The following HIRA variants were observed in gnomAD, a reference collection of about 807,000 sequenced individuals.
HIRA encodes histone cell cycle regulator.
HIRA carries 13 observed loss-of-function variants against 126.6 expected under a neutral mutation model. That is an observed-to-expected ratio of 0.10 (90% CI 0.07 to 0.16). HIRA has a LOEUF of 0.16. Among genes scored for constraint, HIRA ranks in the 10% least tolerant of loss-of-function variants. The pLI is 1.00. For synonymous variants in HIRA, 511 were observed against 520.0 expected (o/e 0.98, Z 0.24); for missense variants, 834 against 1,314.4 (o/e 0.63, Z 5.65).
chr22:19,375,824 C>A (rs770135377), intron 14 of HIRA, 32 bp from the exon 15 acceptor site: 2 of 1,610,900 alleles, frequency 1.2e-6, no homozygotes, highest in South Asian at 2.2e-5. Flanking sequence ...GCATGTCAAG[C>A]GCAATCCTGA....
intron 2 of HIRA, among the ~76,000 whole-genome samples, chr22:19,410,268 C>G (rs2089341839): frequency 2.0e-5 from 3 of 152,220 alleles, no homozygotes; most frequent in African/African-American, 7.2e-5. Context: ...TGTGCTTTCT[C>G]TTTAACCTAA....
chr22:19,357,115 TG>T (rs1344154809), intron 18 of HIRA, 64 bp from the exon 19 acceptor site: 1 of 1,572,898 alleles, frequency 6.4e-7, no homozygotes, highest in East Asian at 2.2e-5. Flanking sequence ...ACAGTAGCCC[TG>T]GAAGTGTGGG....
intron 18 of HIRA, among the ~76,000 whole-genome samples, chr22:19,359,031 T>C (rs781931116): frequency 9.9e-5 from 15 of 152,128 alleles, no homozygotes; most frequent in Non-Finnish European, 1.8e-4. Flanking sequence ...CAGTGTGGAA[T>C]TCGAGACTTT....
chr22:19,420,408 G>T (rs1359071130), intron 1 of HIRA, among the ~76,000 whole-genome samples: 1 of 143,312 alleles, frequency 7.0e-6, no homozygotes, highest in Admixed American at 7.1e-5. Context: ...CGAGGCTGCA[G>T]TGAGCCGTGA....
intron 1 of HIRA, among the ~76,000 whole-genome samples, chr22:19,416,647 G>A (rs1168677819): frequency 6.6e-6 from 1 of 151,710 alleles, no homozygotes; most frequent in Non-Finnish European, 1.5e-5. Flanking sequence ...CCATGAATTT[G>A]GCAATAATTT....
At chr22:19,341,448 CA>C (rs55996019) in intron 24 of HIRA, among the ~76,000 whole-genome samples, 2,578 of 107,782 alleles carry the variant, frequency 0.024, 45 homozygotes, top group African/African-American at 0.085. Flanking sequence ...GACCCTGTTT[CA>C]AAAAAAAAAA....
intron 15 of HIRA, among the ~76,000 whole-genome samples, chr22:19,371,210 C>T (rs558434858): frequency 2.0e-4 from 30 of 152,270 alleles, no homozygotes; most frequent in Non-Finnish European, 3.7e-4. Flanking sequence ...CCTCTTAACT[C>T]CCTCTTGACA....
In HIRA at chr22:19,375,665, C is replaced by A; in HGVS notation, c.1741G>T (p.Ala581Ser). 6.2e-7 allele frequency: 1 copy of A among 1,614,226 alleles called. No individual in the cohort carries two copies. The highest frequency in any genetic ancestry group is 8.5e-7 in the Non-Finnish European group (1 of 1,180,038). Residue 581 changes from alanine to serine, a missense_variant, in exon 15 of 25, where the codon GCC (alanine) becomes TCC (serine). Physicochemically the swap from Ala to Ser is moderately conservative, Grantham distance 99 (BLOSUM62 1). Coordinates refer to ENST00000263208, the MANE Select transcript of HIRA (RefSeq NM_003325.4). ...GCTGTCGGAGTCATGCTGGTCAGGGCAGGAGCACCTGGTGTGGCTTTGGAC... is the reference window on the plus strand; with the variant it reads ...GCTGTCGGAGTCATGCTGGTCAGGGAAGGAGCACCTGGTGTGGCTTTGGAC... Reference protein sequence around the residue: ...ERSKATPGAPALTSMTPTAVE... With the variant: ...ERSKATPGAPSLTSMTPTAVE...
In HIRA at chr22:19,350,573, C is replaced by T. The variant is rs527332523; in HGVS notation, c.2937+785G>A. 4.6e-5 allele frequency among the ~76,000 whole-genome samples: 7 copies of T among 152,296 alleles called. No individual in the cohort carries two copies. The East Asian group carries it at 1.2e-3, about 25-fold the overall frequency. ...ACATCTTGAATCTGTCTCCTTTCCC[C>T]TCTCCATGGCCACCACACTGATCCA... On this transcript the variant is annotated intron_variant, in intron 24 of 24. Coordinates refer to ENST00000263208, the MANE Select transcript of HIRA (RefSeq NM_003325.4).
chr22:19,431,558 T>A lies in HIRA; in HGVS notation c.-82A>T. The A allele has an allele frequency of 1.8e-6, 2 of 1,099,140 alleles. No individual in the cohort carries two copies. Among genetic ancestry groups the A allele is most frequent in the Non-Finnish European group, 2.2e-6 (2 of 897,608 alleles). The allele number at this position is 1,099,140 out of a possible 1,614,324, so 68.1% of individuals were successfully genotyped here. A position where few individuals can be genotyped will look rare whatever the true frequency, so the allele number is the denominator to read the frequency against. On this transcript the variant is annotated 5_prime_UTR_variant, in exon 1 of 25. Transcript: ENST00000263208. ...GGGCCATGGAGCCACCGCCGCCGCTTCCTCCCGCGCCACCCGCCCTCCGGC... is the reference window on the plus strand; with the variant it reads ...GGGCCATGGAGCCACCGCCGCCGCTACCTCCCGCGCCACCCGCCCTCCGGC...
intron 11 of HIRA, 82 bp from the exon 12 acceptor site, chr22:19,385,818 A>C: frequency 7.4e-7 from 1 of 1,342,626 alleles, no homozygotes; most frequent in South Asian, 1.3e-5. Flanking sequence ...AAACTACAGC[A>C]GGGCTCTCCT....
rs541588459 is a variant in HIRA, at chr22:19,385,434, C to A, written c.1329+87G>T. ...AGATCCCGTACCACTCTAAACAAAC[C>A]CCTTCCTTACCACCACTGGTGTCTG... On this transcript the variant is annotated intron_variant, in intron 12 of 24. Transcript: ENST00000263208. 3 of 1,321,880 alleles carry A rather than the reference C, an allele frequency of 2.3e-6. No homozygotes were observed. The South Asian group carries it at 3.9e-5, about 17-fold the overall frequency. 81.9% of individuals were successfully genotyped at this position (1,321,880 alleles called of 1,614,324 possible).
At chr22:19,385,464 T>G in intron 12 of HIRA, 57 bp downstream of exon 12, 1 of 1,521,620 alleles carries the variant, frequency 6.6e-7, no homozygotes, top group South Asian at 1.1e-5. Context: ...TGTCTGCCCC[T>G]CACCCTGTCC....
At chr22:19,343,637 T>G (rs1468029727) in intron 24 of HIRA, among the ~76,000 whole-genome samples, 1 of 150,192 alleles carries the variant, frequency 6.7e-6, no homozygotes, top group Admixed American at 6.7e-5. Context: ...TAAAAACAGA[T>G]GGAGTTGGTT....
intron 24 of HIRA, among the ~76,000 whole-genome samples, chr22:19,349,120 T>C (rs2088725966): frequency 1.3e-5 from 2 of 151,234 alleles, no homozygotes; most frequent in Non-Finnish European, 2.9e-5. Flanking sequence ...ATTTTCCTTT[T>C]CTTGAGACGG....
At chr22:19,429,286 T>G (rs1290572116) in intron 1 of HIRA, among the ~76,000 whole-genome samples, 2 of 151,906 alleles carry the variant, frequency 1.3e-5, no homozygotes, top group African/African-American at 4.8e-5. Flanking sequence ...TACAGGTGCG[T>G]ACCACCACGC....
chr22:19,334,255 A>G (rs144122369), intron 24 of HIRA, among the ~76,000 whole-genome samples: 1,928 of 150,960 alleles, frequency 0.013, 34 homozygotes, highest in African/African-American at 0.042. Context: ...GATTACAGGC[A>G]TGAGCCACTG....
rs2146216276 is a variant in HIRA, at chr22:19,383,639, T to C, written c.1396A>G (p.Ile466Val). ...CAGTACCCAGTGTCCAGCTGTGCTATGCAGAGAGGCGTGATTCTTCTCCGG... is the reference window on the plus strand; with the variant it reads ...CAGTACCCAGTGTCCAGCTGTGCTACGCAGAGAGGCGTGATTCTTCTCCGG... ...DGRRRITPLC[I>V]AQLDTGDFST... Residue 466 changes from isoleucine to valine, a missense_variant, in exon 13 of 25, where the codon ATA becomes GTA. Coordinates refer to ENST00000263208, the MANE Select transcript of HIRA (RefSeq NM_003325.4). 6.2e-7 allele frequency: 1 copy of C among 1,613,952 alleles called. No individual in the cohort carries two copies. The highest frequency in any genetic ancestry group is 8.5e-7 in the Non-Finnish European group (1 of 1,179,752).
At chr22:19,396,390 C>T (rs938793440) in intron 7 of HIRA, among the ~76,000 whole-genome samples, 1 of 152,136 alleles carries the variant, frequency 6.6e-6, no homozygotes, top group African/African-American at 2.4e-5. Context: ...GTGGTGGGCA[C>T]CTGTAATCCC....
Sources: gnomAD v4.1 joint callset for allele counts (sites outside exome capture counted in the v4.1 genomes callset) on GRCh38, gnomAD v4.1.1 for gene constraint, MANE v1.5 for transcripts, NCBI Gene and HGNC (gene_info 2026-07-23, HGNC 2026-07-21) for gene names.